Variants in GLIS1 observed in about 807,000 individuals in gnomAD.
GLIS1 encodes the protein GLIS family zinc finger 1.
In GLIS1, 24 loss-of-function variants were observed where a neutral mutation model predicts 63.8. The ratio of observed to expected loss-of-function variants is 0.38; its 90% CI spans 0.27 to 0.53. The LOEUF is 0.53. Among genes scored for constraint, GLIS1 ranks in the 20% least tolerant of loss-of-function variants. The pLI, the probability that GLIS1 is intolerant of heterozygous loss-of-function variation, is 0.85. For synonymous variants in GLIS1, 450 were observed against 482.5 expected, an observed-to-expected ratio of 0.93 and a Z score of 0.88; for missense variants, 1,036 against 1,074.1, an observed-to-expected ratio of 0.96 and a Z score of 0.50.
Position 53,560,022 on chromosome 1 carries a change from T to C in GLIS1, c.1321-30070A>G, listed in dbSNP as rs539763523. On this transcript the variant is annotated intron_variant, in intron 4 of 10. Coordinates refer to ENST00000628545, the MANE Select transcript of GLIS1 (RefSeq NM_001367484.1). The surrounding 1 kb of genome is among the most constrained non-coding windows in gnomAD (Gnocchi z 4.4). ...GGTCCAACTCAAGTGCTTCCTCCTCTGGGAAGTGCTCCCTGACTTCCCAGG... is the reference window on the plus strand; with the variant it reads ...GGTCCAACTCAAGTGCTTCCTCCTCCGGGAAGTGCTCCCTGACTTCCCAGG... Among the ~76,000 whole-genome samples, 3 of 152,274 alleles carry C rather than the reference T, an allele frequency of 2.0e-5. No individual in the cohort carries two copies. The South Asian group carries it at 6.2e-4, about 32-fold the overall frequency.
chr1:53,523,097 C>T (rs541232407), intron 6 of GLIS1, among the ~76,000 whole-genome samples: 46 of 150,730 alleles, frequency 3.1e-4, no homozygotes, highest in African/African-American at 1.0e-3. Context: ...GAGTAGCTGG[C>T]GAGCTAGGGC....
intron 2 of GLIS1, among the ~76,000 whole-genome samples, chr1:53,710,376 C>A (rs922956705): frequency 2.0e-5 from 3 of 152,256 alleles, no homozygotes; most frequent in Non-Finnish European, 4.4e-5. Context: ...GTGTCACATC[C>A]TCTCGCATGC....
intron 4 of GLIS1, among the ~76,000 whole-genome samples, 192 bp downstream of exon 4, chr1:53,593,916 G>T (rs1239189216): frequency 6.6e-6 from 1 of 152,222 alleles, no homozygotes. Context: ...CTCTGCCACG[G>T]TTCCCAGTGA....
intron 2 of GLIS1, among the ~76,000 whole-genome samples, chr1:53,617,973 A>G (rs2950265): frequency 0.68 from 102,957 of 152,086 alleles, 35,705 homozygotes; most frequent in Middle Eastern, 0.8. Context: ...CTGAGCCCAG[A>G]GGGACCCACA....
intron 2 of GLIS1, among the ~76,000 whole-genome samples, chr1:53,737,596 C>T (rs1434162408): frequency 6.6e-6 from 1 of 152,268 alleles, no homozygotes; most frequent in African/African-American, 2.4e-5. Flanking sequence ...TCTATAAACA[C>T]ATTTCCCCAA....
rs896793422 is a variant in GLIS1 at position 53,539,752 on chromosome 1, G to C, written c.1321-9800C>G. On this transcript the variant is annotated intron_variant, in intron 4 of 10. Coordinates refer to ENST00000628545, the MANE Select transcript of GLIS1 (RefSeq NM_001367484.1). The surrounding 1 kb of genome is among the most constrained non-coding windows in gnomAD (Gnocchi z 5.0). ...CCCCACGCATAGCACAGCACACGTG[G>C]AAACTGGCCACCTGGAACATGGATG... 2.0e-5 allele frequency among the ~76,000 whole-genome samples: 3 copies of C among 152,134 alleles called. No homozygotes were observed. The highest frequency in any genetic ancestry group is 7.2e-5 in the African/African-American group (3 of 41,416).
intron 2 of GLIS1, among the ~76,000 whole-genome samples, chr1:53,701,143 G>T (rs1646518778): frequency 6.6e-6 from 1 of 152,248 alleles, no homozygotes; most frequent in Non-Finnish European, 1.5e-5. Context: ...ACCTAGGAGT[G>T]TAGCTGGGGG....
At chr1:53,687,026 G>A (rs113377500) in intron 2 of GLIS1, among the ~76,000 whole-genome samples, 155 of 152,352 alleles carry the variant, frequency 1.0e-3, no homozygotes, top group African/African-American at 3.6e-3. Context: ...TCCACTGCCA[G>A]TGAGGCCACT....
At chr1:53,570,210 G>A (rs1363535022) in intron 4 of GLIS1, among the ~76,000 whole-genome samples, 1 of 151,770 alleles carries the variant, frequency 6.6e-6, no homozygotes, top group Non-Finnish European at 1.5e-5. Context: ...TTGAACTCCT[G>A]GGCTCAAGCA....
intron 7 of GLIS1, 43 bp downstream of exon 7, chr1:53,520,591 C>A: frequency 6.5e-7 from 1 of 1,545,092 alleles, no homozygotes; most frequent in African/African-American, 1.4e-5. Flanking sequence ...GAGAAAGGCC[C>A]CTCCTGGGCT....
chr1:53,683,165 T>C (rs1646293874), intron 2 of GLIS1, among the ~76,000 whole-genome samples: 1 of 143,464 alleles, frequency 7.0e-6, no homozygotes. Context: ...GGGGTCCCAC[T>C]TCTGGCAGAC....
chr1:53,544,702 G>A (rs1644680458), intron 4 of GLIS1, among the ~76,000 whole-genome samples: 1 of 152,160 alleles, frequency 6.6e-6, no homozygotes, highest in African/African-American at 2.4e-5. Context: ...TGGGCCATCA[G>A]AACTTCATAT....
In GLIS1 at chr1:53,526,678, TC is replaced by T. The variant is rs2100319985; in HGVS notation, c.1483-1792del. On this transcript the variant is annotated intron_variant, in intron 5 of 10. Transcript: ENST00000628545. The surrounding 1 kb of genome is among the most constrained non-coding windows in gnomAD (Gnocchi z 4.4). ...TGTCCCTGAGCCGGCCCCAGGACTG[TC>T]CCTTGGGGATGCTGATACAAATCCA... 6.6e-6 allele frequency among the ~76,000 whole-genome samples: 1 copy of T among 152,346 alleles called. No individual in the cohort carries two copies. Among genetic ancestry groups the T allele is most frequent in the South Asian group, 2.1e-4 (1 of 4,832 alleles).
intron 2 of GLIS1, among the ~76,000 whole-genome samples, chr1:53,633,227 G>C (rs1431728167): frequency 6.8e-6 from 1 of 146,434 alleles, no homozygotes; most frequent in African/African-American, 2.5e-5. Context: ...GAATGAGTGT[G>C]ACTGGAGGGG....
chr1:53,645,906 C>A (rs969333358), intron 2 of GLIS1, among the ~76,000 whole-genome samples: 31 of 152,158 alleles, frequency 2.0e-4, no homozygotes, highest in African/African-American at 7.5e-4. Flanking sequence ...TCAATCAAAG[C>A]CTTATTGACC....
chr1:53,517,235 G>C (rs148634166), intron 7 of GLIS1, among the ~76,000 whole-genome samples: 3 of 152,112 alleles, frequency 2.0e-5, no homozygotes, highest in African/African-American at 7.2e-5. Context: ...CTGAGGCCTC[G>C]GCTCTGGTGC....
chr1:53,512,821 C>T (rs995223164), intron 8 of GLIS1, among the ~76,000 whole-genome samples: 4 of 151,288 alleles, frequency 2.6e-5, no homozygotes, highest in Non-Finnish European at 1.5e-5. Flanking sequence ...GAACGGCCTT[C>T]GTGGTTTATT....
intron 2 of GLIS1, among the ~76,000 whole-genome samples, chr1:53,617,395 T>G (rs918894574): frequency 4.6e-5 from 7 of 152,248 alleles, no homozygotes; most frequent in African/African-American, 1.7e-4. Flanking sequence ...ATACAAGTAC[T>G]TTCTCATGGT....
chr1:53,593,564 C>T (rs889216918), intron 4 of GLIS1, among the ~76,000 whole-genome samples: 1 of 152,226 alleles, frequency 6.6e-6, no homozygotes. Flanking sequence ...AACCCTGGGC[C>T]CCAGCCCAAA....
Sources: gnomAD v4.1 joint callset for allele counts (sites outside exome capture counted in the v4.1 genomes callset) on GRCh38, gnomAD v4.1.1 for gene constraint, Gnocchi (gnomAD v3.1) non-coding constraint, MANE v1.5 for transcripts, NCBI Gene and HGNC (gene_info 2026-07-23, HGNC 2026-07-21) for gene names.